The following IPO7 variants were observed in gnomAD, a reference collection of about 807,000 sequenced individuals.
The protein encoded by IPO7 is importin 7.
In IPO7, 13 loss-of-function variants were observed where a neutral mutation model predicts 136.4. That is an observed-to-expected ratio of 0.10 (90% confidence interval 0.06 to 0.15). IPO7 has a LOEUF of 0.15. Among genes scored for constraint, IPO7 ranks in the 10% least tolerant of loss-of-function variants. IPO7 has a pLI of 1.00. For missense variants in IPO7, 857 were observed against 1,240.6 expected, an observed-to-expected ratio of 0.69 and a Z score of 4.65; for synonymous variants, 403 against 404.4, an observed-to-expected ratio of 1.00 and a Z score of 0.04.
rs974944191 is a variant in IPO7, at chr11:9,447,408, T to C, written c.*2214T>C. 2.6e-5 allele frequency: 4 copies of C among 152,206 alleles called. No homozygotes were observed. The highest frequency in any genetic ancestry group is 9.6e-5 in the African/African-American group (4 of 41,470). 9.4% of individuals were successfully genotyped at this position (152,206 alleles called of 1,614,324 possible). A position where few individuals can be genotyped will look rare whatever the true frequency, so the allele number is the denominator to read the frequency against. The stretch of plus-strand genomic sequence containing the variant: ...CCTTATAATTAAACTATTTAAATAG[T>C]GTTCAAATGATAGTTTCTAATGCAT... On this transcript the variant is annotated 3_prime_UTR_variant, in exon 25 of 25. Transcript: ENST00000379719.
intron 8 of IPO7, 58 bp from the exon 9 acceptor site, chr11:9,422,948 G>C: frequency 8.9e-7 from 1 of 1,118,668 alleles, no homozygotes; most frequent in Non-Finnish European, 1.3e-6. Context: ...TTACTGGCTT[G>C]TAAGTGGTTG....
chr11:9,420,300 A>G (rs1855108809), intron 6 of IPO7, 111 bp from the exon 7 acceptor site: 1 of 678,490 alleles, frequency 1.5e-6, no homozygotes. Flanking sequence ...ATCTCAAAAA[A>G]AAAAAGGCCA....
At chr11:9,388,952 T>C (rs988024705) in intron 1 of IPO7, among the ~76,000 whole-genome samples, 8 of 152,156 alleles carry the variant, frequency 5.3e-5, no homozygotes, top group African/African-American at 1.9e-4. Context: ...TGTTATTCCT[T>C]GATTTCCCAG....
chr11:9,440,317 T>C, intron 22 of IPO7, 138 bp from the exon 23 acceptor site: 1 of 685,982 alleles, frequency 1.5e-6, no homozygotes, highest in Non-Finnish European at 2.5e-6. Flanking sequence ...ATTGAACATG[T>C]ATTTAAACAC....
intron 8 of IPO7, among the ~76,000 whole-genome samples, 191 bp from the exon 9 acceptor site, chr11:9,422,815 G>A (rs960358287): frequency 9.2e-5 from 14 of 152,142 alleles, no homozygotes; most frequent in African/African-American, 3.4e-4. Context: ...CCAGAAAAAC[G>A]AAGATAGTAT....
chr11:9,388,166 T>C (rs372041670), intron 1 of IPO7, among the ~76,000 whole-genome samples: 2 of 150,488 alleles, frequency 1.3e-5, no homozygotes, highest in East Asian at 3.9e-4. Flanking sequence ...AAAATAAAAA[T>C]AAATAAATAA....
chr11:9,384,844 T>C lies in IPO7; in HGVS notation c.81T>C (p.Asn27=), dbSNP rs1854527856. 6.3e-7 allele frequency: 1 copy of C among 1,597,348 alleles called. No homozygotes were observed. The highest frequency in any genetic ancestry group is 8.5e-7 in the Non-Finnish European group (1 of 1,172,016). The change falls in exon 1 of 25, where the codon AAT becomes AAC. Residue 27 remains asparagine, a synonymous_variant. Transcript: ENST00000379719. Reference sequence around the variant, plus strand: ...GTGAGGCCGCGGAGCGCCAGCTCAATGAAGTAAGGACGCCCGGCTAGCGGT... The same window carrying C: ...GTGAGGCCGCGGAGCGCCAGCTCAACGAAGTAAGGACGCCCGGCTAGCGGT... ...ALREAAERQL[N]EAHKSLNFVS...
chr11:9,401,596 A>C (rs1320357161), intron 1 of IPO7, among the ~76,000 whole-genome samples: 3 of 152,176 alleles, frequency 2.0e-5, no homozygotes, highest in Non-Finnish European at 4.4e-5. Flanking sequence ...CAAATATGAC[A>C]AATTTAGGAA....
intron 20 of IPO7, among the ~76,000 whole-genome samples, chr11:9,437,281 A>G (rs12296039): frequency 0.46 from 68,609 of 150,186 alleles, 15,846 homozygotes; most frequent in Non-Finnish European, 0.51. Context: ...TTTTTGAGAC[A>G]GAGTCTCGCT....
chr11:9,401,442 C>T (rs904025397), intron 1 of IPO7, among the ~76,000 whole-genome samples: 1 of 151,736 alleles, frequency 6.6e-6, no homozygotes, highest in African/African-American at 2.4e-5. Context: ...CCTGTGATCC[C>T]AGCACTTTAG....
chr11:9,409,162 G>T (rs978436601), intron 3 of IPO7, among the ~76,000 whole-genome samples: 8 of 151,442 alleles, frequency 5.3e-5, no homozygotes, highest in Non-Finnish European at 8.8e-5. Flanking sequence ...AGGCTGGAGT[G>T]AGGTGGCGCA....
chr11:9,401,169 G>T (rs1303341914), intron 1 of IPO7, among the ~76,000 whole-genome samples: 1 of 148,850 alleles, frequency 6.7e-6, no homozygotes, highest in Non-Finnish European at 1.5e-5. Flanking sequence ...CGAGAAGAGT[G>T]AAATTCTGTC....
At chr11:9,428,422 AG>A (rs1855243697) in intron 12 of IPO7, 117 bp from the exon 13 acceptor site, 2 of 482,158 alleles carry the variant, frequency 4.1e-6, no homozygotes, top group Admixed American at 7.3e-5. Flanking sequence ...TGGGGTTCAA[AG>A]AATGAGAATA....
chr11:9,397,909 C>T (rs1191141924), intron 1 of IPO7, among the ~76,000 whole-genome samples: 1 of 152,144 alleles, frequency 6.6e-6, no homozygotes, highest in Non-Finnish European at 1.5e-5. Flanking sequence ...GTAATTGAGA[C>T]TTAGATTTAC....
intron 20 of IPO7, among the ~76,000 whole-genome samples, chr11:9,437,048 C>A (rs950975252): frequency 1.3e-4 from 19 of 149,516 alleles, no homozygotes; most frequent in African/African-American, 4.7e-4. Flanking sequence ...CCACACCTGG[C>A]TAATTTTTTA....
Position 9,437,513 on chromosome 11 carries a change from C to CA in IPO7, c.2269-238dup, listed in dbSNP as rs375317831. Among the ~76,000 whole-genome samples the CA allele has an allele frequency of 3.5e-3, 539 of 152,096 alleles. 5 individuals are homozygous for CA. The highest frequency in any genetic ancestry group is 0.013 in the African/African-American group (525 of 41,510). On this transcript the variant is annotated intron_variant, in intron 20 of 24. Coordinates refer to ENST00000379719, the MANE Select transcript of IPO7 (RefSeq NM_006391.3). ...TCGTGATCCGCCTGCCTCAGCCTCC[C>CA]AAAGTGCTGGGATTACAGGCGTGAG...
At chr11:9,432,492 C>T (rs1270855603) in intron 16 of IPO7, among the ~76,000 whole-genome samples, 4 of 152,184 alleles carry the variant, frequency 2.6e-5, no homozygotes, top group Admixed American at 6.6e-5. Flanking sequence ...TGAGCCACCA[C>T]GCCAGCCACG....
chr11:9,394,418 TA>T (rs1854681163), intron 1 of IPO7, among the ~76,000 whole-genome samples: 1 of 152,114 alleles, frequency 6.6e-6, no homozygotes, highest in Non-Finnish European at 1.5e-5. Flanking sequence ...TATAGTAGAA[TA>T]GGGGCCTAGG....
chr11:9,429,647 G>C, intron 14 of IPO7, 27 bp from the exon 15 acceptor site: 1 of 1,579,584 alleles, frequency 6.3e-7, no homozygotes, highest in Non-Finnish European at 8.6e-7. Context: ...GGGGTTTTAC[G>C]CAAGTTTTTT....
Sources: gnomAD v4.1 joint callset for allele counts (sites outside exome capture counted in the v4.1 genomes callset) on GRCh38, gnomAD v4.1.1 for gene constraint, MANE v1.5 for transcripts, NCBI Gene and HGNC (gene_info 2026-07-23, HGNC 2026-07-21) for gene names.